Variants in NDP observed in about 807,000 individuals in gnomAD.
NDP encodes the protein norrin cystine knot growth factor NDP, also known as norrin.
In NDP, 2 loss-of-function variants were observed where a neutral mutation model predicts 8.4. The observed-to-expected ratio is 0.24, with a 90% CI of 0.10 to 0.75. The LOEUF is 0.75. Ranked by LOEUF, NDP falls within the 30% of genes least tolerant of loss-of-function variation. The pLI is 0.73. For missense variants in NDP, 81 were observed against 110.1 expected (o/e 0.74, Z 1.18); for synonymous variants, 55 against 45.6 (o/e 1.21, Z -0.83).
At chrX:43,968,100 G>A (rs931071676) in intron 1 of NDP, among the ~76,000 whole-genome samples, 9 of 111,679 alleles carry the variant, frequency 8.1e-5, no homozygotes, top group African/African-American at 2.6e-4. Flanking sequence ...GGGATATGTC[G>A]CCAACGGAAG....
chrX:43,963,666 C>G (rs1022140783), intron 1 of NDP, among the ~76,000 whole-genome samples: 1 of 111,684 alleles, frequency 9.0e-6, no homozygotes, highest in Non-Finnish European at 1.9e-5. Context: ...GCAAGAAACT[C>G]TAGGTCTAAT....
At chrX:43,954,560 G>A (rs1338299197) in intron 2 of NDP, 3 of 111,042 alleles carry the variant, frequency 2.7e-5, no homozygotes, top group Non-Finnish European at 5.7e-5. Flanking sequence ...TAGGCACTCA[G>A]TATAAATTTG....
intron 1 of NDP, among the ~76,000 whole-genome samples, chrX:43,959,478 G>A (rs1282155415): frequency 2.7e-5 from 3 of 112,427 alleles, no homozygotes; most frequent in Non-Finnish European, 5.6e-5. Flanking sequence ...CCTCCAGCAT[G>A]GTTAAGGTAT....
At chrX:43,957,491 T>A (rs1602066631) in intron 2 of NDP, among the ~76,000 whole-genome samples, 1 of 110,931 alleles carries the variant, frequency 9.0e-6, no homozygotes, top group East Asian at 2.8e-4. Context: ...TGAATCATCA[T>A]CACTGAGCTA....
intron 1 of NDP, among the ~76,000 whole-genome samples, chrX:43,962,978 G>C (rs745827260): frequency 8.9e-6 from 1 of 112,063 alleles, no homozygotes; most frequent in East Asian, 2.8e-4. Flanking sequence ...GCTCACTCTT[G>C]GGCTGACCTT....
chrX:43,951,251 A>C (rs2147205398), intron 2 of NDP, among the ~76,000 whole-genome samples: 1 of 109,505 alleles, frequency 9.1e-6, no homozygotes. Context: ...TGTCTCTAAA[A>C]AAAAAAATAA....
intron 1 of NDP, among the ~76,000 whole-genome samples, chrX:43,959,650 A>G (rs1380162956): frequency 1.8e-5 from 2 of 111,532 alleles, no homozygotes. Context: ...TTTTGACCAT[A>G]CCTCTTGGAC....
At position 43,950,032 on chromosome X, in the gene NDP, G is replaced by A. The variant is rs1221510546; in HGVS notation, c.175-6C>T. On this transcript the variant is annotated splice_polypyrimidine_tract_variant and splice_region_variant and intron_variant, in intron 2 of 2. Coordinates refer to ENST00000642620, the MANE Select transcript of NDP (RefSeq NM_000266.4). ...CACCTGGCCAGGAGCACCATCTGGG[G>A]AAAGAAAAGGAGGTGGTTACTCTGT... is the stretch of plus-strand genomic sequence containing the variant. 3 of 1,182,094 alleles carry A rather than the reference G, an allele frequency of 2.5e-6. No individual in the cohort carries two copies. In the East Asian group the frequency reaches 9.2e-5, roughly 36 times the overall value.
intron 1 of NDP, among the ~76,000 whole-genome samples, chrX:43,971,122 G>A (rs2035888980): frequency 8.9e-6 from 1 of 112,332 alleles, no homozygotes; most frequent in South Asian, 3.7e-4. Flanking sequence ...GCCCATTTCA[G>A]TTCCAAAATC....
At chrX:43,955,332 A>G (rs1370591776) in intron 2 of NDP, among the ~76,000 whole-genome samples, 2 of 112,121 alleles carry the variant, frequency 1.8e-5, no homozygotes, top group African/African-American at 6.5e-5. Context: ...TGCTTTACAA[A>G]TCACCAACAC....
Position 43,951,247 on chromosome X carries a change from T to TA in NDP, c.175-1222dup, listed in dbSNP as rs371041021. ...GGGCAACATAGCATGACCGTGTCTCTAAAAAAAAAAATAAAAAGTTAACCA... is the reference window on the plus strand; with the variant it reads ...GGGCAACATAGCATGACCGTGTCTCTAAAAAAAAAAAATAAAAAGTTAACCA... On this transcript the variant is annotated intron_variant, in intron 2 of 2. Coordinates refer to ENST00000642620, the MANE Select transcript of NDP (RefSeq NM_000266.4). Among the ~76,000 whole-genome samples, 649 of 102,352 alleles carry TA rather than the reference T, an allele frequency of 6.3e-3. 4 individuals are homozygous for TA. Among genetic ancestry groups the TA allele is most frequent in the African/African-American group, 0.021 (599 of 28,131 alleles). The allele number at this position is 102,352 out of a possible 115,157, so 88.9% of individuals were successfully genotyped here.
In NDP at chrX:43,958,588, C is replaced by T. The variant is rs200594881; in HGVS notation, c.58G>A (p.Gly20Arg). Residue 20 changes from glycine (G) to arginine (R), a missense_variant, in exon 2 of 3, where the codon GGA becomes AGA. Gly to Arg is a moderately radical substitution (Grantham distance 125, BLOSUM62 -2). Coordinates refer to ENST00000642620, the MANE Select transcript of NDP (RefSeq NM_000266.4). ...FSMLSLLVIM[G>R]DTDSKTDSSF... Reference sequence around the variant, plus strand: ...CTGTCCGTTTTACTGTCTGTATCTCCCATTATCACCAGCAGGGAGAGCATA... The same window carrying T: ...CTGTCCGTTTTACTGTCTGTATCTCTCATTATCACCAGCAGGGAGAGCATA... The T allele has an allele frequency of 8.4e-5, 102 of 1,210,071 alleles. 1 individual carries two copies. In the East Asian group the frequency reaches 3.0e-3, roughly 35 times the overall value.
At chrX:43,967,191 C>T (rs958814437) in intron 1 of NDP, among the ~76,000 whole-genome samples, 2 of 111,126 alleles carry the variant, frequency 1.8e-5, no homozygotes, top group South Asian at 3.8e-4. Context: ...TTCCCTGTAA[C>T]AATACTATTC....
chrX:43,951,874 GA>G (rs2035765125), intron 2 of NDP, among the ~76,000 whole-genome samples: 2 of 112,403 alleles, frequency 1.8e-5, no homozygotes, highest in Non-Finnish European at 3.8e-5. Flanking sequence ...GAGGCAGAGA[GA>G]AAATAGCAGC....
At chrX:43,971,587 C>G (rs923357202) in intron 1 of NDP, among the ~76,000 whole-genome samples, 6 of 111,290 alleles carry the variant, frequency 5.4e-5, no homozygotes, top group Admixed American at 9.6e-5. Flanking sequence ...ATAAATGATG[C>G]AAAACATTGC....
At chrX:43,965,326 G>T (rs1377124324) in intron 1 of NDP, among the ~76,000 whole-genome samples, 1 of 110,880 alleles carries the variant, frequency 9.0e-6, no homozygotes, top group East Asian at 2.8e-4. Context: ...GGTTGAGGTG[G>T]GAGGATCACC....
At chrX:43,964,985 C>T (rs2035849038) in intron 1 of NDP, among the ~76,000 whole-genome samples, 1 of 112,449 alleles carries the variant, frequency 8.9e-6, no homozygotes, top group Admixed American at 9.4e-5. Flanking sequence ...TGATCCAACA[C>T]TGAAGCCCAA....
chrX:43,964,463 T>C (rs1224660667), intron 1 of NDP, among the ~76,000 whole-genome samples: 1 of 111,237 alleles, frequency 9.0e-6, no homozygotes, highest in Non-Finnish European at 1.9e-5. Flanking sequence ...GAGGAGGGAC[T>C]GGAGTGGGAG....
chrX:43,949,972 G>T lies in NDP; in HGVS notation c.229C>A (p.Pro77Thr), dbSNP rs1434496333. ...GHCSQASRSE[P>T]LVSFSTVLKQ... Reference sequence around the variant, plus strand: ...AGGACAGTGCTGAACGACACCAAAGGCTCGGAGCGTGACGCCTGGCTGCAG... The same window carrying T: ...AGGACAGTGCTGAACGACACCAAAGTCTCGGAGCGTGACGCCTGGCTGCAG... Residue 77 changes from proline (P) to threonine (T), a missense_variant, in exon 3 of 3, where the codon CCT becomes ACT. Coordinates refer to ENST00000642620, the MANE Select transcript of NDP (RefSeq NM_000266.4). 1.7e-6 allele frequency: 2 copies of T among 1,208,376 alleles called. No homozygotes were observed. Among genetic ancestry groups the T allele is most frequent in the Non-Finnish European group, 2.2e-6 (2 of 893,986 alleles).
Sources: gnomAD v4.1 joint callset for allele counts (sites outside exome capture counted in the v4.1 genomes callset) on GRCh38, gnomAD v4.1.1 for gene constraint, MANE v1.5 for transcripts, NCBI Gene and HGNC (gene_info 2026-07-23, HGNC 2026-07-21) for gene names.